THAP5: variants seen among roughly 807,000 people sequenced by gnomAD.
THAP5 encodes the protein THAP domain-containing protein 5.
A neutral mutation model predicts 34.0 loss-of-function variants in THAP5; 26 were observed. That is an observed-to-expected ratio of 0.77 (90% CI 0.56 to 1.06). The LOEUF is 1.06. THAP5 is among the 50% of genes least tolerant of loss of function. The pLI is 0.00. For synonymous variants in THAP5, 125 were observed against 153.0 expected, an observed-to-expected ratio of 0.82 and a Z score of 1.35; for missense variants, 394 against 452.8, an observed-to-expected ratio of 0.87 and a Z score of 1.18.
chr7:108,549,127 C>CACACACACAT, the THAP5 span, among the ~76,000 whole-genome samples: 6 of 125,770 alleles, frequency 4.8e-5, no homozygotes, highest in African/African-American at 1.7e-4. Flanking sequence ...CACACACACA[C>CACACACACAT]AAGTACTTTT....
intron 1 of THAP5, chr7:108,569,215 CTG>C: frequency 7.4e-7 from 1 of 1,346,398 alleles, no homozygotes; most frequent in Non-Finnish European, 9.6e-7. Flanking sequence ...GGGGAAAAGA[CTG>C]AAAACCACAG....
chr7:108,558,500 C>A (rs1210314257), downstream of THAP5, among the ~76,000 whole-genome samples: 1 of 149,792 alleles, frequency 6.7e-6, no homozygotes, highest in Non-Finnish European at 1.5e-5. Flanking sequence ...TGGGTTCAAG[C>A]AATTCTGCTG....
Position 108,564,472 on chromosome 7 carries a change from T to C in THAP5, c.907A>G (p.Ile303Val), listed in dbSNP as rs781522104. Reference sequence around the variant, plus strand: ...ACATCCTTATACAAGGAGTCTTCAATGTCTGTGTCTTCCATTTCCGTGGTT... The same window carrying C: ...ACATCCTTATACAAGGAGTCTTCAACGTCTGTGTCTTCCATTTCCGTGGTT... ...KETTEMEDTD[I>V]EDSLYKDVDY... Residue 303 changes from isoleucine to valine, a missense_variant, in exon 3 of 3, where the codon ATT (isoleucine) becomes GTT (valine). By Grantham distance (29) the Ile-to-Val change is conservative. Coordinates refer to ENST00000415914, the MANE Select transcript of THAP5 (RefSeq NM_001130475.3). 1 of 1,613,976 alleles carries C rather than the reference T, an allele frequency of 6.2e-7. No individual in the cohort carries two copies. Among genetic ancestry groups the C allele is most frequent in the South Asian group, 1.1e-5 (1 of 91,080 alleles).
intron 1 of THAP5, among the ~76,000 whole-genome samples, chr7:108,566,617 C>T (rs992339378): frequency 6.6e-6 from 1 of 152,164 alleles, no homozygotes; most frequent in African/African-American, 2.4e-5. Context: ...AATAGTACTA[C>T]ACTTCTATAA....
In THAP5 at chr7:108,565,999, C is replaced by A; in HGVS notation, c.104G>T (p.Arg35Ile). The A allele has an allele frequency of 1.3e-6, 2 of 1,527,910 alleles. No individual in the cohort carries two copies. Among genetic ancestry groups the A allele is most frequent in the East Asian group, 2.5e-5 (1 of 40,480 alleles). The allele number at this position is 1,527,910 out of a possible 1,614,324, so 94.6% of individuals were successfully genotyped here. The stretch of plus-strand genomic sequence containing the variant: ...CATATTCTTTAACCACTTTTCCAGT[C>A]TTTCTTTGTCATGTAGAGGAAATCT... The part of the protein sequence containing the change: ...FYPFPLHDKE[R>I]LEKWLKNMKR... Residue 35 changes from arginine to isoleucine, a missense_variant, in exon 2 of 3, where the codon AGA becomes ATA. Coordinates refer to ENST00000415914, the MANE Select transcript of THAP5 (RefSeq NM_001130475.3).
At chr7:108,557,250 T>C, downstream of THAP5, among the ~76,000 whole-genome samples, 1 of 152,254 alleles carries the variant, frequency 6.6e-6, no homozygotes, top group East Asian at 1.9e-4. Context: ...TTGGTTCTTC[T>C]TCACGTATGC....
chr7:108,565,788 T>C (rs1398309540), intron 2 of THAP5, 42 bp downstream of exon 2: 1 of 1,421,182 alleles, frequency 7.0e-7, no homozygotes, highest in East Asian at 2.6e-5. Flanking sequence ...CCCTGAAATC[T>C]GCCACTCTGC....
the THAP5 span, among the ~76,000 whole-genome samples, chr7:108,542,459 GTTTGT>G: frequency 9.2e-5 from 14 of 151,714 alleles, no homozygotes; most frequent in South Asian, 2.1e-4. Flanking sequence ...TCTTTTTTTT[GTTTGT>G]TTTGTTTTGT....
chr7:108,558,825 T>C (rs1864407111), downstream of THAP5, among the ~76,000 whole-genome samples: 1 of 152,228 alleles, frequency 6.6e-6, no homozygotes, highest in Non-Finnish European at 1.5e-5. Flanking sequence ...CAAAGTAGTT[T>C]TGATATTTTT....
At position 108,564,409 on chromosome 7, in the gene THAP5, A is replaced by G. The variant is rs749826939; in HGVS notation, c.970T>C (p.Tyr324His). The G allele has an allele frequency of 2.8e-5, 45 of 1,613,806 alleles. No homozygotes were observed. The highest frequency in any genetic ancestry group is 3.6e-5 in the Non-Finnish European group (43 of 1,179,918). The change falls in exon 3 of 3, where the codon TAC becomes CAC. Residue 324 changes from tyrosine (Y) to histidine (H), a missense_variant. Coordinates refer to ENST00000415914, the MANE Select transcript of THAP5 (RefSeq NM_001130475.3). ...TCCTTATTTATATCTTGTCTGCAGT[A>G]AGAATGTTCGATTTGTAAAACTTCT... ...GTEVLQIEHS[Y>H]CRQDINKEHL...
intron 1 of THAP5, among the ~76,000 whole-genome samples, chr7:108,555,702 C>CT (rs11344007): frequency 0.21 from 27,411 of 128,744 alleles, 3,315 homozygotes; most frequent in East Asian, 0.45. Context: ...GCACCTTTTT[C>CT]TTTTTTTTTT....
the THAP5 span, among the ~76,000 whole-genome samples, chr7:108,546,772 G>T: frequency 9.5e-4 from 145 of 152,248 alleles, 1 homozygote; most frequent in African/African-American, 3.4e-3. Flanking sequence ...TTATTAAAAA[G>T]CTTTGTTTAC....
At chr7:108,557,364 G>T, downstream of THAP5, among the ~76,000 whole-genome samples, 1 of 152,298 alleles carries the variant, frequency 6.6e-6, no homozygotes, top group East Asian at 1.9e-4. Context: ...CCCTTTAAAT[G>T]TAAGTTCTAG....
the THAP5 span, among the ~76,000 whole-genome samples, chr7:108,544,902 G>A: frequency 2.0e-5 from 3 of 152,060 alleles, no homozygotes; most frequent in African/African-American, 7.2e-5. Flanking sequence ...CAAGCAGTCT[G>A]CTAGTCCCAA....
chr7:108,567,304 A>C (rs1009378356), intron 1 of THAP5, among the ~76,000 whole-genome samples: 2 of 152,220 alleles, frequency 1.3e-5, no homozygotes, highest in Non-Finnish European at 1.5e-5. Flanking sequence ...AAAGGCAGAC[A>C]AATTTTCTTT....
chr7:108,549,124 A>T, the THAP5 span, among the ~76,000 whole-genome samples: 1 of 139,172 alleles, frequency 7.2e-6, no homozygotes, highest in African/African-American at 2.6e-5. Context: ...ACACACACAC[A>T]CACAAGTACT....
chr7:108,559,002 C>T (rs1444775056), downstream of THAP5, among the ~76,000 whole-genome samples: 1 of 152,164 alleles, frequency 6.6e-6, no homozygotes, highest in Non-Finnish European at 1.5e-5. Context: ...GTGAAATATT[C>T]ATCATGTTTC....
intron 1 of THAP5, chr7:108,569,218 A>G: frequency 7.4e-7 from 1 of 1,351,546 alleles, no homozygotes; most frequent in South Asian, 1.8e-5. Context: ...GAAAAGACTG[A>G]AAACCACAGA....
At chr7:108,546,106 C>T in the THAP5 span, among the ~76,000 whole-genome samples, 3 of 152,106 alleles carry the variant, frequency 2.0e-5, no homozygotes, top group African/African-American at 7.2e-5. Flanking sequence ...CTAAATAGTA[C>T]TTATTAAATA....
Sources: allele counts gnomAD v4.1 joint callset (sites outside exome capture counted in the v4.1 genomes callset), GRCh38; gene constraint gnomAD v4.1.1; transcripts MANE v1.5; gene names NCBI Gene and HGNC (gene_info 2026-07-23, HGNC 2026-07-21).